SLC35F3: variants seen among roughly 807,000 people sequenced by gnomAD.
SLC35F3 encodes the protein solute carrier family 35 member F3.
In SLC35F3, 25 loss-of-function variants were observed where a neutral mutation model predicts 49.9. The observed-to-expected ratio is 0.50, with a 90% CI of 0.37 to 0.70. The LOEUF (loss-of-function observed/expected upper bound fraction) is 0.70, where lower values mean the gene tolerates loss of function less well. Ranked by LOEUF, SLC35F3 falls within the 30% of genes least tolerant of loss-of-function variation. The probability of loss-of-function intolerance (pLI) is 0.00; values close to 1 mark genes in which losing one functional copy is unlikely to be tolerated. For synonymous variants in SLC35F3, 275 were observed against 265.4 expected (o/e 1.04, Z -0.35); for missense variants, 525 against 639.8 (o/e 0.82, Z 1.94).
At chr1:234,111,913 C>T (rs1665412545) in intron 2 of SLC35F3, among the ~76,000 whole-genome samples, 1 of 152,122 alleles carries the variant, frequency 6.6e-6, no homozygotes, top group South Asian at 2.1e-4. Context: ...CTGTGTAGTC[C>T]CCATCAGGAT....
chr1:234,108,406 T>A lies in SLC35F3; in HGVS notation c.284-123011T>A, dbSNP rs796712268. Among the ~76,000 whole-genome samples, 66 of 104,894 alleles carry A rather than the reference T, an allele frequency of 6.3e-4. 8 individuals carry two copies. The East Asian group carries it at 0.02, about 31-fold the overall frequency. The allele number at this position is 104,894 out of a possible 152,430, so 68.8% of individuals were successfully genotyped here. A position where few individuals can be genotyped will look rare whatever the true frequency, so the allele number is the denominator to read the frequency against. On this transcript the variant is annotated intron_variant, in intron 2 of 7. Coordinates refer to ENST00000366618, the MANE Select transcript of SLC35F3 (RefSeq NM_173508.4). ...TATATAAAAGATATATATTTATATA[T>A]ATGATATATATTATTTATATATAAA...
chr1:234,107,843 A>T (rs565047573), intron 2 of SLC35F3, among the ~76,000 whole-genome samples: 1 of 152,300 alleles, frequency 6.6e-6, no homozygotes, highest in Non-Finnish European at 1.5e-5. Flanking sequence ...TATTAATGGA[A>T]GCACTCAAAG....
At chr1:234,008,651 G>A (rs1400914093) in intron 2 of SLC35F3, among the ~76,000 whole-genome samples, 1 of 152,190 alleles carries the variant, frequency 6.6e-6, no homozygotes, top group South Asian at 2.1e-4. Context: ...TTAAACAGAA[G>A]CACTTGCTCT....
intron 2 of SLC35F3, among the ~76,000 whole-genome samples, chr1:234,158,928 C>T (rs1254880929): frequency 2.0e-5 from 3 of 152,028 alleles, no homozygotes; most frequent in Non-Finnish European, 4.4e-5. Flanking sequence ...AGATTTTTCC[C>T]CATAGTAGAC....
In SLC35F3 at chr1:234,321,807, C is replaced by A. The variant is rs536123121; in HGVS notation, c.1238-1201C>A. 2.0e-5 allele frequency among the ~76,000 whole-genome samples: 3 copies of A among 152,276 alleles called. No homozygotes were observed. In the East Asian group the frequency reaches 5.8e-4, roughly 29 times the overall value. The stretch of plus-strand genomic sequence containing the variant: ...AGAGCCATTGCCTGGCTTTTGGGTT[C>A]TCCCCGACATCTGCTCAAGGGACTG... On this transcript the variant is annotated intron_variant, in intron 7 of 7. Coordinates refer to ENST00000366618, the MANE Select transcript of SLC35F3 (RefSeq NM_173508.4).
At chr1:234,123,054 A>G (rs1029626953) in intron 2 of SLC35F3, among the ~76,000 whole-genome samples, 2 of 152,230 alleles carry the variant, frequency 1.3e-5, no homozygotes, top group African/African-American at 4.8e-5. Flanking sequence ...ACTCTCTTCC[A>G]CAGTGGTTGA....
At chr1:234,256,747 G>C (rs1288308590) in intron 3 of SLC35F3, among the ~76,000 whole-genome samples, 2 of 152,222 alleles carry the variant, frequency 1.3e-5, no homozygotes, top group Non-Finnish European at 2.9e-5. Context: ...AAGCTCAATT[G>C]TGCATGTGCA....
chr1:234,143,720 G>A (rs533201229), intron 2 of SLC35F3, among the ~76,000 whole-genome samples: 1 of 152,226 alleles, frequency 6.6e-6, no homozygotes, highest in South Asian at 2.1e-4. Context: ...CATAAGAAAA[G>A]GTCATGTATT....
At chr1:234,066,831 CACACACACACACA>C (rs1274318701) in intron 2 of SLC35F3, among the ~76,000 whole-genome samples, 2 of 6,896 alleles carry the variant, frequency 2.9e-4, no homozygotes, top group Non-Finnish European at 8.6e-4. Context: ...CTCTCTCTCC[CACACACACACACA>C]CACACACACA....
chr1:233,997,822 G>T lies in SLC35F3; in HGVS notation c.283+92064G>T, dbSNP rs1225530129. On this transcript the variant is annotated intron_variant, in intron 2 of 7. Transcript: ENST00000366618. ...GCTGGAGTGCAATGGCACAATCTTG[G>T]CTCACTGCAACCTCCGCCTCCCAGG... is the stretch of plus-strand genomic sequence containing the variant. 2.6e-5 allele frequency among the ~76,000 whole-genome samples: 4 copies of T among 151,792 alleles called. No individual in the cohort carries two copies. The East Asian group carries it at 7.7e-4, about 29-fold the overall frequency.
intron 3 of SLC35F3, among the ~76,000 whole-genome samples, chr1:234,292,920 T>C (rs1668532308): frequency 6.6e-6 from 1 of 152,244 alleles, no homozygotes; most frequent in Non-Finnish European, 1.5e-5. Context: ...CACTGATTTT[T>C]GACTGTGAAA....
At chr1:233,992,676 A>G (rs1434032164) in intron 2 of SLC35F3, among the ~76,000 whole-genome samples, 4 of 152,216 alleles carry the variant, frequency 2.6e-5, no homozygotes, top group African/African-American at 9.6e-5. Flanking sequence ...AAATTTCAAC[A>G]TGAGTTTTGG....
chr1:234,161,832 G>A (rs1666232277), intron 2 of SLC35F3, among the ~76,000 whole-genome samples: 1 of 151,968 alleles, frequency 6.6e-6, no homozygotes, highest in Non-Finnish European at 1.5e-5. Flanking sequence ...AAATACTTTG[G>A]CTTGTGCATA....
At chr1:234,043,616 GA>G (rs1664253505) in intron 2 of SLC35F3, among the ~76,000 whole-genome samples, 1 of 151,934 alleles carries the variant, frequency 6.6e-6, no homozygotes, top group East Asian at 1.9e-4. Context: ...AAGAGTAAAG[GA>G]AAAAAATTAG....
chr1:234,020,144 A>T lies in SLC35F3; in HGVS notation c.283+114386A>T, dbSNP rs934382469. On this transcript the variant is annotated intron_variant, in intron 2 of 7. Coordinates refer to ENST00000366618, the MANE Select transcript of SLC35F3 (RefSeq NM_173508.4). ...CCATTCCATCCCACACAAAAAAAAAAATTGAAACAATGGTTTTGATAGAGT... is the reference window on the plus strand; with the variant it reads ...CCATTCCATCCCACACAAAAAAAAATATTGAAACAATGGTTTTGATAGAGT... Among the ~76,000 whole-genome samples, 9 of 152,298 alleles carry T rather than the reference A, an allele frequency of 5.9e-5. No homozygotes were observed. In the East Asian group the frequency reaches 1.2e-3, roughly 20 times the overall value.
At chr1:234,141,646 A>C (rs1454899603) in intron 2 of SLC35F3, among the ~76,000 whole-genome samples, 1 of 152,142 alleles carries the variant, frequency 6.6e-6, no homozygotes, top group East Asian at 1.9e-4. Flanking sequence ...TACTTCACAA[A>C]GGCCTCCTGG....
intron 5 of SLC35F3, 51 bp downstream of exon 5, chr1:234,316,778 C>T: frequency 1.9e-6 from 3 of 1,575,070 alleles, no homozygotes; most frequent in Non-Finnish European, 2.6e-6. Context: ...CCTCAGCCAG[C>T]ACAGCCGGCT....
At chr1:234,266,827 A>G (rs1667985847) in intron 3 of SLC35F3, among the ~76,000 whole-genome samples, 1 of 150,394 alleles carries the variant, frequency 6.6e-6, no homozygotes, top group South Asian at 2.1e-4. Flanking sequence ...AACCACCGGT[A>G]TATATGCAAT....
intron 2 of SLC35F3, among the ~76,000 whole-genome samples, chr1:234,210,256 C>T (rs1667030255): frequency 6.6e-6 from 1 of 152,136 alleles, no homozygotes; most frequent in Non-Finnish European, 1.5e-5. Flanking sequence ...TCTTTTTCTT[C>T]CCAGTCTTGG....
Sources: allele counts gnomAD v4.1 joint callset (sites outside exome capture counted in the v4.1 genomes callset), GRCh38; gene constraint gnomAD v4.1.1; transcripts MANE v1.5; gene names NCBI Gene and HGNC (gene_info 2026-07-23, HGNC 2026-07-21).